Variants in PRKCA observed in about 807,000 individuals in gnomAD.
PRKCA encodes protein kinase C alpha.
Under a neutral mutation model 87.0 loss-of-function variants are expected in PRKCA, and 27 were observed. The ratio of observed to expected loss-of-function variants is 0.31; its 90% CI spans 0.23 to 0.43. The LOEUF (loss-of-function observed/expected upper bound fraction) is 0.43, where lower values mean the gene tolerates loss of function less well. Among genes scored for constraint, PRKCA ranks in the 20% least tolerant of loss-of-function variants. The pLI, the probability that PRKCA is intolerant of heterozygous loss-of-function variation, is 1.00. For missense variants in PRKCA, 518 were observed against 852.3 expected, an observed-to-expected ratio of 0.61 and a Z score of 4.88; for synonymous variants, 329 against 311.1, an observed-to-expected ratio of 1.06 and a Z score of -0.61.
intron 3 of PRKCA, among the ~76,000 whole-genome samples, chr17:66,608,669 T>C (rs530364576): frequency 3.5e-4 from 53 of 152,226 alleles, no homozygotes; most frequent in African/African-American, 1.2e-3. Context: ...GTTATGGACG[T>C]GATGAATGAG....
At chr17:66,798,217 G>A (rs192929853) in intron 16 of PRKCA, among the ~76,000 whole-genome samples, 8 of 152,306 alleles carry the variant, frequency 5.3e-5, no homozygotes, top group African/African-American at 1.2e-4. Context: ...GATGGCACCC[G>A]AGGCCATTGC....
chr17:66,532,526 C>T (rs555203465), intron 3 of PRKCA, among the ~76,000 whole-genome samples: 12 of 151,840 alleles, frequency 7.9e-5, no homozygotes, highest in Admixed American at 3.3e-4. Context: ...CCACCATGCC[C>T]GACTAATTTT....
chr17:66,699,138 G>A (rs1309872699), intron 8 of PRKCA, among the ~76,000 whole-genome samples: 1 of 150,390 alleles, frequency 6.6e-6, no homozygotes, highest in African/African-American at 2.5e-5. Flanking sequence ...ATTTGAGGCT[G>A]TGGAGCAGCT....
chr17:66,690,866 G>A (rs554189797), intron 8 of PRKCA, among the ~76,000 whole-genome samples: 5 of 149,196 alleles, frequency 3.4e-5, no homozygotes, highest in South Asian at 2.1e-4. Context: ...AGAGCTGTCC[G>A]GATGTGGTAG....
chr17:66,542,648 A>T lies in PRKCA; in HGVS notation c.288+46365A>T, dbSNP rs16959571. On this transcript the variant is annotated intron_variant, in intron 3 of 16. Transcript: ENST00000413366. ...CTTCAGAGACTGATAGTCGGAAGGGATTCCTCTGCAAAGGCCTGTGGAAGG... is the reference window on the plus strand; with the variant it reads ...CTTCAGAGACTGATAGTCGGAAGGGTTTCCTCTGCAAAGGCCTGTGGAAGG... Among the ~76,000 whole-genome samples, 686 of 152,200 alleles carry T rather than the reference A, an allele frequency of 4.5e-3. 16 individuals are homozygous for T. In the East Asian group the frequency reaches 0.054, roughly 12 times the overall value.
chr17:66,497,154 C>G (rs1916511574), intron 3 of PRKCA, among the ~76,000 whole-genome samples: 2 of 152,154 alleles, frequency 1.3e-5, no homozygotes, highest in African/African-American at 4.8e-5. Flanking sequence ...AATTTCCTCT[C>G]TTTGTGGACA....
intron 3 of PRKCA, among the ~76,000 whole-genome samples, chr17:66,571,443 G>A (rs1166488232): frequency 1.3e-5 from 2 of 152,082 alleles, no homozygotes; most frequent in African/African-American, 4.8e-5. Flanking sequence ...GAATAAGTTT[G>A]ACACACCTTA....
intron 2 of PRKCA, among the ~76,000 whole-genome samples, chr17:66,489,356 T>TATATAC (rs1916121979): frequency 3.8e-5 from 1 of 26,098 alleles, no homozygotes; most frequent in Non-Finnish European, 7.1e-5. Context: ...GCAGTGCATA[T>TATATAC]ATATATATAT....
At chr17:66,703,030 AAGTG>A (rs1973100654) in intron 8 of PRKCA, among the ~76,000 whole-genome samples, 1 of 152,206 alleles carries the variant, frequency 6.6e-6, no homozygotes, top group Non-Finnish European at 1.5e-5. Context: ...TACTCTGGGT[AAGTG>A]AGTGAGTGGT....
At chr17:66,730,154 T>C (rs576664312) in intron 8 of PRKCA, among the ~76,000 whole-genome samples, 2 of 152,194 alleles carry the variant, frequency 1.3e-5, no homozygotes, top group African/African-American at 4.8e-5. Context: ...ATAAGCACAT[T>C]TGGGCTTCAG....
chr17:66,539,443 C>A (rs980841751), intron 3 of PRKCA, among the ~76,000 whole-genome samples: 2 of 150,852 alleles, frequency 1.3e-5, no homozygotes, highest in African/African-American at 4.9e-5. Flanking sequence ...TTGCTCTGTC[C>A]TCCAGGCTGG....
intron 3 of PRKCA, among the ~76,000 whole-genome samples, chr17:66,552,870 A>G (rs563766265): frequency 2.0e-5 from 3 of 152,344 alleles, no homozygotes; most frequent in South Asian, 4.1e-4. Context: ...GAAATACACT[A>G]TAGACACAAC....
At chr17:66,314,171 CG>C (rs911416749) in intron 2 of PRKCA, among the ~76,000 whole-genome samples, 4 of 151,952 alleles carry the variant, frequency 2.6e-5, no homozygotes, top group African/African-American at 9.7e-5. Flanking sequence ...GAATGAAGCC[CG>C]GATTTATATT....
intron 8 of PRKCA, among the ~76,000 whole-genome samples, chr17:66,726,197 A>G (rs866235160): frequency 2.6e-5 from 4 of 151,006 alleles, no homozygotes; most frequent in African/African-American, 2.4e-5. Context: ...TGTGCAGGAC[A>G]GAAAGCTCAG....
intron 3 of PRKCA, among the ~76,000 whole-genome samples, chr17:66,560,517 G>A (rs1156766076): frequency 6.6e-6 from 1 of 151,990 alleles, no homozygotes; most frequent in African/African-American, 2.4e-5. Context: ...GGTGTTGGGG[G>A]AAGAATACCA....
At chr17:66,457,216 G>C (rs1432276764) in intron 2 of PRKCA, among the ~76,000 whole-genome samples, 1 of 152,132 alleles carries the variant, frequency 6.6e-6, no homozygotes, top group East Asian at 1.9e-4. Flanking sequence ...GAACTTAAGA[G>C]TTCTTAACTG....
At chr17:66,540,675 A>G (rs2143126739) in intron 3 of PRKCA, among the ~76,000 whole-genome samples, 1 of 152,286 alleles carries the variant, frequency 6.6e-6, no homozygotes, top group South Asian at 2.1e-4. Context: ...CTAGGCTGAG[A>G]CGGAATTCAG....
chr17:66,773,801 C>T (rs1002103834), intron 13 of PRKCA, among the ~76,000 whole-genome samples, 186 bp from the exon 14 acceptor site: 1 of 152,036 alleles, frequency 6.6e-6, no homozygotes, highest in Non-Finnish European at 1.5e-5. Context: ...CAGTGAATCA[C>T]GGGGTGATAG....
intron 2 of PRKCA, among the ~76,000 whole-genome samples, chr17:66,328,047 G>A (rs1206104163): frequency 6.6e-6 from 1 of 152,180 alleles, no homozygotes; most frequent in African/African-American, 2.4e-5. Context: ...TGAAGGATCA[G>A]GAACGTCTCT....
Sources: gnomAD v4.1 joint callset for allele counts (sites outside exome capture counted in the v4.1 genomes callset) on GRCh38, gnomAD v4.1.1 for gene constraint, MANE v1.5 for transcripts, NCBI Gene and HGNC (gene_info 2026-07-23, HGNC 2026-07-21) for gene names.